Variants in ANK3 observed in about 807,000 individuals in gnomAD.
ANK3 encodes ankyrin 3.
Under a neutral mutation model 370.9 loss-of-function variants are expected in ANK3, and 57 were observed. The ratio of observed to expected loss-of-function variants is 0.15; its 90% CI spans 0.12 to 0.19. The LOEUF is 0.19. Among genes scored for constraint, ANK3 ranks in the 10% least tolerant of loss-of-function variants. ANK3 has a pLI of 1.00. For missense variants in ANK3, 4,439 were observed against 5,302.1 expected, an observed-to-expected ratio of 0.84 and a Z score of 5.06; for synonymous variants, 1,929 against 1,946.3, an observed-to-expected ratio of 0.99 and a Z score of 0.23.
chr10:60,394,989 T>C (rs2063186685), intron 2 of ANK3, among the ~76,000 whole-genome samples: 1 of 152,232 alleles, frequency 6.6e-6, no homozygotes, highest in African/African-American at 2.4e-5. Context: ...TAGCCATATG[T>C]GGCTACTGGT....
At chr10:60,318,284 T>C (rs115677792) in intron 1 of ANK3, among the ~76,000 whole-genome samples, 1,703 of 152,322 alleles carry the variant, frequency 0.011, 37 homozygotes, top group African/African-American at 0.039. Flanking sequence ...AATTATCTAC[T>C]CAACACCCAG....
chr10:60,468,520 A>G (rs1339164299), intron 2 of ANK3, among the ~76,000 whole-genome samples: 1 of 152,106 alleles, frequency 6.6e-6, no homozygotes, highest in Non-Finnish European at 1.5e-5. Flanking sequence ...TAGCAAAATC[A>G]CATTTTACAT....
chr10:60,504,619 T>C (rs972677661), intron 2 of ANK3, among the ~76,000 whole-genome samples: 4 of 152,192 alleles, frequency 2.6e-5, no homozygotes, highest in Non-Finnish European at 5.9e-5. Flanking sequence ...CTATGAAGTA[T>C]TCTTGTTGAA....
At chr10:60,085,390 A>G (rs2086402533) in intron 30 of ANK3, 137 bp from the exon 31 acceptor site, 1 of 519,080 alleles carries the variant, frequency 1.9e-6, no homozygotes, top group Non-Finnish European at 3.4e-6. Context: ...AGTGTGTACT[A>G]AAGGTAGTTT....
intron 28 of ANK3, among the ~76,000 whole-genome samples, chr10:60,091,555 G>A (rs541691436): frequency 1.6e-4 from 25 of 151,982 alleles, no homozygotes; most frequent in African/African-American, 4.8e-4. Flanking sequence ...AGAGTTTCTC[G>A]TTTGAACAGG....
intron 1 of ANK3, among the ~76,000 whole-genome samples, chr10:60,310,873 A>T (rs1291077877): frequency 1.3e-5 from 2 of 152,194 alleles, no homozygotes. Context: ...CAAAAGGTCA[A>T]GTGGAGCAAG....
chr10:60,573,030 G>C, intron 2 of ANK3: 1 of 986,750 alleles, frequency 1.0e-6, no homozygotes, highest in East Asian at 1.1e-4. Flanking sequence ...AATGTAAATT[G>C]CTCTCCGTGC....
intron 18 of ANK3, among the ~76,000 whole-genome samples, chr10:60,178,437 T>C (rs1329962069): frequency 9.9e-5 from 15 of 152,200 alleles, no homozygotes; most frequent in Non-Finnish European, 1.5e-4. Flanking sequence ...ACCAGCCTCA[T>C]AGGGTAGTTG....
chr10:60,221,015 C>G (rs183119435), intron 8 of ANK3, among the ~76,000 whole-genome samples: 2 of 152,178 alleles, frequency 1.3e-5, no homozygotes, highest in East Asian at 3.9e-4. Context: ...TCTATCTCAT[C>G]CATCAACTCC....
At chr10:60,060,615 A>G (rs1398045058) in intron 40 of ANK3, 3 of 152,210 alleles carry the variant, frequency 2.0e-5, no homozygotes, top group Non-Finnish European at 4.4e-5. Flanking sequence ...GCACTGGGAA[A>G]AAAATTTTAA....
At chr10:60,171,222 T>C (rs990795700) in intron 21 of ANK3, among the ~76,000 whole-genome samples, 1 of 152,190 alleles carries the variant, frequency 6.6e-6, no homozygotes, top group Non-Finnish European at 1.5e-5. Context: ...GGGTGCTGCT[T>C]GACAATCATT....
chr10:60,484,763 T>A (rs2075307191), intron 2 of ANK3, among the ~76,000 whole-genome samples: 1 of 152,196 alleles, frequency 6.6e-6, no homozygotes, highest in African/African-American at 2.4e-5. Context: ...GCCACTGAAC[T>A]GAGTATTTCC....
intron 2 of ANK3, among the ~76,000 whole-genome samples, chr10:60,505,226 A>G (rs1187529951): frequency 2.6e-5 from 4 of 152,142 alleles, no homozygotes. Context: ...GAGATAATCT[A>G]GAATTCCAAA....
At chr10:60,420,667 C>T (rs1007641650) in intron 2 of ANK3, among the ~76,000 whole-genome samples, 8 of 151,980 alleles carry the variant, frequency 5.3e-5, no homozygotes, top group African/African-American at 1.9e-4. Flanking sequence ...CACCTGAAAT[C>T]CTGTTGTCCC....
intron 1 of ANK3, among the ~76,000 whole-genome samples, chr10:60,331,286 GA>G (rs1441253839): frequency 6.6e-6 from 1 of 151,482 alleles, no homozygotes; most frequent in Non-Finnish European, 1.5e-5. Flanking sequence ...CAATGTTTAT[GA>G]AATATTAAAT....
At chr10:60,692,793 A>G (rs575285488) in intron 1 of ANK3, among the ~76,000 whole-genome samples, 44 of 152,376 alleles carry the variant, frequency 2.9e-4, no homozygotes, top group Admixed American at 2.7e-3. Flanking sequence ...AGCAAAATTC[A>G]GGTGTTAGCT....
chr10:60,046,302 A>G (rs1452752184), intron 42 of ANK3, among the ~76,000 whole-genome samples: 2 of 152,172 alleles, frequency 1.3e-5, no homozygotes, highest in Admixed American at 6.5e-5. Context: ...AAAAGTAATG[A>G]AAGTTTTCCT....
At chr10:60,583,990 C>A (rs777886547) in intron 2 of ANK3, among the ~76,000 whole-genome samples, 4 of 152,094 alleles carry the variant, frequency 2.6e-5, no homozygotes, top group Non-Finnish European at 5.9e-5. Flanking sequence ...TGTATGGAAC[C>A]ATCACATTGT....
chr10:60,508,081 TG>T (rs1450022787), intron 2 of ANK3: 1 of 152,174 alleles, frequency 6.6e-6, no homozygotes, highest in Non-Finnish European at 1.5e-5. Flanking sequence ...TGTTTTACTT[TG>T]GGTGGGACTT....
Sources: allele counts gnomAD v4.1 joint callset (sites outside exome capture counted in the v4.1 genomes callset), GRCh38; gene constraint gnomAD v4.1.1; transcripts MANE v1.5; gene names NCBI Gene and HGNC (gene_info 2026-07-23, HGNC 2026-07-21).